Variants in MYO3B observed in about 807,000 individuals in gnomAD.
MYO3B encodes myosin-IIIb.
A neutral mutation model predicts 174.6 loss-of-function variants in MYO3B; 156 were observed. The ratio of observed to expected loss-of-function variants is 0.89; its 90% CI spans 0.78 to 1.02. The LOEUF (loss-of-function observed/expected upper bound fraction) is 1.02. Among genes scored for constraint, MYO3B ranks in the 50% least tolerant of loss-of-function variants. The pLI is 0.00. For missense variants in MYO3B, 1,632 were observed against 1,639.4 expected, an observed-to-expected ratio of 1.00 and a Z score of 0.08; for synonymous variants, 563 against 569.1, an observed-to-expected ratio of 0.99 and a Z score of 0.15.
chr2:170,473,302 C>T (rs1685101449), intron 25 of MYO3B, among the ~76,000 whole-genome samples: 1 of 151,698 alleles, frequency 6.6e-6, no homozygotes, highest in Admixed American at 6.6e-5. Context: ...ACCACCATGC[C>T]CAGCTAATTT....
In MYO3B at chr2:170,527,183, T is replaced by C. The variant is rs188461327; in HGVS notation, c.3575+7643T>C. ...GTGGGCCATAGCCAGAGGCAGGATATGCAGAGCCATTCTTGGAAGGTGAGA... is the reference window on the plus strand; with the variant it reads ...GTGGGCCATAGCCAGAGGCAGGATACGCAGAGCCATTCTTGGAAGGTGAGA... On this transcript the variant is annotated intron_variant, in intron 30 of 34. Coordinates refer to ENST00000408978, the MANE Select transcript of MYO3B (RefSeq NM_138995.5). 3.9e-5 allele frequency among the ~76,000 whole-genome samples: 6 copies of C among 152,254 alleles called. No homozygotes were observed. In the East Asian group the frequency reaches 9.7e-4, roughly 25 times the overall value.
chr2:170,287,339 C>T (rs758531124), intron 7 of MYO3B, among the ~76,000 whole-genome samples: 2 of 151,996 alleles, frequency 1.3e-5, no homozygotes, highest in Non-Finnish European at 2.9e-5. Flanking sequence ...ATTTGCATTC[C>T]CACCAACAGG....
chr2:170,356,669 G>A (rs113788457), intron 8 of MYO3B, among the ~76,000 whole-genome samples: 5 of 152,032 alleles, frequency 3.3e-5, no homozygotes, highest in African/African-American at 9.7e-5. Context: ...GCTGCATGGA[G>A]CCATTTCTAT....
intron 7 of MYO3B, among the ~76,000 whole-genome samples, chr2:170,332,805 G>A (rs974767445): frequency 5.9e-5 from 9 of 152,244 alleles, no homozygotes; most frequent in Admixed American, 5.2e-4. Context: ...ATACCCCTTT[G>A]CATATTTCCT....
In MYO3B at chr2:170,498,894, G is replaced by T. The variant is rs143976110; in HGVS notation, c.3126+191G>T. On this transcript the variant is annotated intron_variant, in intron 26 of 34. Transcript: ENST00000408978. The stretch of plus-strand genomic sequence containing the variant: ...AGTAGAGGAGGAGGGTTTGCCTCCT[G>T]TTCTGTATGTAATTTGAGAGCTATT... Among the ~76,000 whole-genome samples, 203 of 152,288 alleles carry T rather than the reference G, an allele frequency of 1.3e-3. 2 individuals carry two copies. The highest frequency in any genetic ancestry group is 2.6e-3 in the Non-Finnish European group (180 of 68,028).
At chr2:170,219,142 C>T (rs1041048709) in intron 6 of MYO3B, among the ~76,000 whole-genome samples, 3 of 152,212 alleles carry the variant, frequency 2.0e-5, no homozygotes, top group Admixed American at 2.0e-4. Context: ...AATGCTAGCT[C>T]TGCTGGGAAA....
At chr2:170,269,933 T>C (rs1481111191) in intron 7 of MYO3B, among the ~76,000 whole-genome samples, 1 of 152,190 alleles carries the variant, frequency 6.6e-6, no homozygotes, top group African/African-American at 2.4e-5. Flanking sequence ...AATTTGTATT[T>C]CTAAACAAGT....
chr2:170,574,115 C>T (rs1313953978), intron 32 of MYO3B, among the ~76,000 whole-genome samples: 1 of 152,132 alleles, frequency 6.6e-6, no homozygotes, highest in African/African-American at 2.4e-5. Flanking sequence ...ATAGAATGTG[C>T]ATATATTCAT....
chr2:170,548,060 T>A lies in MYO3B; in HGVS notation c.3733+4072T>A, dbSNP rs140584107. On this transcript the variant is annotated intron_variant, in intron 32 of 34. Transcript: ENST00000408978. ...AGGCCGTGCTTGCAGTGAGCCAAGATCGCGCCACTGCACTCCAGCCTGGGA... is the reference window on the plus strand; with the variant it reads ...AGGCCGTGCTTGCAGTGAGCCAAGAACGCGCCACTGCACTCCAGCCTGGGA... 2.1e-3 allele frequency among the ~76,000 whole-genome samples: 263 copies of A among 123,590 alleles called. 3 individuals are homozygous for A. In the East Asian group the frequency reaches 0.051, roughly 24 times the overall value. 81.1% of individuals were successfully genotyped at this position (123,590 alleles called of 152,430 possible). A position where few individuals can be genotyped will look rare whatever the true frequency, so the allele number is the denominator to read the frequency against.
chr2:170,541,327 A>C (rs1416000238), intron 30 of MYO3B, among the ~76,000 whole-genome samples: 1 of 152,206 alleles, frequency 6.6e-6, no homozygotes, highest in African/African-American at 2.4e-5. Flanking sequence ...TAGGCCAGAC[A>C]GGAGTGAGTC....
chr2:170,401,431 C>A, intron 17 of MYO3B, 50 bp from the exon 18 acceptor site: 2 of 1,534,488 alleles, frequency 1.3e-6, no homozygotes, highest in Non-Finnish European at 1.8e-6. Context: ...AACAGACTGA[C>A]TGAATGAAGG....
intron 32 of MYO3B, among the ~76,000 whole-genome samples, chr2:170,630,947 G>A (rs1051384878): frequency 3.3e-5 from 5 of 152,208 alleles, no homozygotes; most frequent in African/African-American, 9.6e-5. Flanking sequence ...ACAAAGATGG[G>A]AAGATACCAG....
At position 170,650,980 on chromosome 2, in the gene MYO3B, T is replaced by C. The variant is rs556749484; in HGVS notation, c.3734-648T>C. ...ATGAATTATGACTTCTTCTGACTCG[T>C]GGTTTCTTAATCTCCAGGGCACTCT... On this transcript the variant is annotated intron_variant, in intron 32 of 34. Transcript: ENST00000408978. Among the ~76,000 whole-genome samples, 10 of 145,318 alleles carry C rather than the reference T, an allele frequency of 6.9e-5. 1 individual carries two copies. In the South Asian group the frequency reaches 2.1e-3, roughly 31 times the overall value.
rs140438069 is a variant in MYO3B at position 170,227,663 on chromosome 2, T to C, written c.604-8328T>C. On this transcript the variant is annotated intron_variant, in intron 6 of 34. Coordinates refer to ENST00000408978, the MANE Select transcript of MYO3B (RefSeq NM_138995.5). Reference sequence around the variant, plus strand: ...ACATATGACATTCTCAAGGACATCCTTATTTGCATGGTGCTGTCAGCCTGG... The same window carrying C: ...ACATATGACATTCTCAAGGACATCCCTATTTGCATGGTGCTGTCAGCCTGG... 1.3e-3 allele frequency among the ~76,000 whole-genome samples: 202 copies of C among 152,268 alleles called. 1 individual carries two copies. Among genetic ancestry groups the C allele is most frequent in the African/African-American group, 4.5e-3 (189 of 41,542 alleles).
Position 170,653,471 on chromosome 2 carries a change from T to G in MYO3B, c.*350T>G. ...AGTCTAATCATGGACCCTGATAATA[T>G]TGCTTGATTTTTCCTATCAAGTTAC... On this transcript the variant is annotated 3_prime_UTR_variant, in exon 35 of 35. Transcript: ENST00000408978. 1 of 208,220 alleles carries G rather than the reference T, an allele frequency of 4.8e-6. No homozygotes were observed. The allele number at this position is 208,220 out of a possible 1,614,324, so 12.9% of individuals were successfully genotyped here.
intron 7 of MYO3B, among the ~76,000 whole-genome samples, chr2:170,249,989 C>A (rs1237006804): frequency 6.6e-6 from 1 of 152,142 alleles, no homozygotes; most frequent in Non-Finnish European, 1.5e-5. Context: ...TCTTCATCAG[C>A]CACTTGAGGT....
intron 22 of MYO3B, among the ~76,000 whole-genome samples, chr2:170,413,576 G>A (rs1574941837): frequency 2.0e-5 from 3 of 152,080 alleles, no homozygotes; most frequent in South Asian, 4.1e-4. Flanking sequence ...GTGCACCCAC[G>A]GTGTTGTGTG....
intron 32 of MYO3B, among the ~76,000 whole-genome samples, chr2:170,601,099 G>A (rs1694478134): frequency 6.6e-6 from 1 of 152,074 alleles, no homozygotes; most frequent in Non-Finnish European, 1.5e-5. Context: ...GATTCAAAAT[G>A]GGCAAAAGCT....
intron 16 of MYO3B, among the ~76,000 whole-genome samples, chr2:170,399,882 T>C (rs1423679385): frequency 2.0e-5 from 3 of 152,210 alleles, no homozygotes; most frequent in Non-Finnish European, 2.9e-5. Context: ...TCCTCATCAG[T>C]GGCATGGTAA....
Sources: gnomAD v4.1 joint callset for allele counts (sites outside exome capture counted in the v4.1 genomes callset) on GRCh38, gnomAD v4.1.1 for gene constraint, MANE v1.5 for transcripts, NCBI Gene and HGNC (gene_info 2026-07-23, HGNC 2026-07-21) for gene names.